SLC14A2: variants seen among roughly 807,000 people sequenced by gnomAD.
SLC14A2 encodes urea transporter 2.
In SLC14A2, 91 loss-of-function variants were observed where a neutral mutation model predicts 104.6. The observed-to-expected ratio is 0.87, with a 90% CI of 0.73 to 1.04. The LOEUF is 1.04. Among genes scored for constraint, SLC14A2 ranks in the 50% least tolerant of loss-of-function variants. The pLI is 0.00. For missense variants in SLC14A2, 1,189 were observed against 1,156.0 expected (o/e 1.03, Z -0.41); for synonymous variants, 476 against 466.4 (o/e 1.02, Z -0.27).
chr18:45,542,823 A>G (rs9964287), intron 2 of SLC14A2, among the ~76,000 whole-genome samples: 34 of 152,254 alleles, frequency 2.2e-4, no homozygotes, highest in African/African-American at 7.7e-4. Flanking sequence ...TCATCTCACT[A>G]CCCTCAAGGA....
chr18:45,523,343 G>A (rs1598957884), intron 2 of SLC14A2, among the ~76,000 whole-genome samples: 1 of 151,214 alleles, frequency 6.6e-6, no homozygotes, highest in South Asian at 2.1e-4. Context: ...TTGTTTGTTT[G>A]TTTTGAGATG....
At chr18:45,608,077 G>A (rs545432863) in intron 2 of SLC14A2, among the ~76,000 whole-genome samples, 2 of 152,240 alleles carry the variant, frequency 1.3e-5, no homozygotes, top group Non-Finnish European at 2.9e-5. Flanking sequence ...GTTTCCGTTA[G>A]AGTACGATGA....
chr18:45,493,568 T>C (rs1483133429), intron 2 of SLC14A2, among the ~76,000 whole-genome samples: 1 of 152,214 alleles, frequency 6.6e-6, no homozygotes, highest in Non-Finnish European at 1.5e-5. Context: ...CAAAGTTGCA[T>C]AGGTAGTCAA....
At chr18:45,248,351 G>T (rs2084387691) in intron 1 of SLC14A2, among the ~76,000 whole-genome samples, 1 of 152,024 alleles carries the variant, frequency 6.6e-6, no homozygotes. Context: ...TGAGACATGA[G>T]GGCCTGTCTG....
At chr18:45,647,240 A>G (rs1552326) in intron 10 of SLC14A2, 77,173 of 152,128 alleles carry the variant, frequency 0.51, 19,841 homozygotes, top group African/African-American at 0.57. Context: ...ATCTTGAGTC[A>G]AGCTTGAGCA....
chr18:45,391,005 T>C (rs541831963), intron 1 of SLC14A2, among the ~76,000 whole-genome samples: 2 of 152,340 alleles, frequency 1.3e-5, no homozygotes, highest in Admixed American at 1.3e-4. Flanking sequence ...TGTATACATG[T>C]GCCATGTTGG....
intron 1 of SLC14A2, among the ~76,000 whole-genome samples, chr18:45,263,784 C>A (rs182844116): frequency 6.6e-6 from 1 of 152,132 alleles, no homozygotes; most frequent in Admixed American, 6.5e-5. Flanking sequence ...GCCCACATTC[C>A]GTTTAAAGCA....
At chr18:45,508,911 T>C (rs558238960) in intron 2 of SLC14A2, among the ~76,000 whole-genome samples, 4 of 152,302 alleles carry the variant, frequency 2.6e-5, no homozygotes, top group African/African-American at 7.2e-5. Flanking sequence ...TATCAAGATA[T>C]TGGGGGGTGA....
chr18:45,279,215 T>G (rs1432415312), intron 1 of SLC14A2, among the ~76,000 whole-genome samples: 3 of 152,182 alleles, frequency 2.0e-5, no homozygotes, highest in Non-Finnish European at 4.4e-5. Context: ...AGTAACAGGT[T>G]GTCTGAGATA....
At chr18:45,219,189 A>T (rs2084038899) in intron 1 of SLC14A2, among the ~76,000 whole-genome samples, 1 of 152,232 alleles carries the variant, frequency 6.6e-6, no homozygotes, top group African/African-American at 2.4e-5. Context: ...AATTCATATT[A>T]TTCGTTTTAA....
intron 1 of SLC14A2, among the ~76,000 whole-genome samples, chr18:45,330,977 T>G (rs2085284200): frequency 6.6e-6 from 1 of 152,176 alleles, no homozygotes. Context: ...AATACGTGAT[T>G]GAAAAAATAT....
intron 1 of SLC14A2, among the ~76,000 whole-genome samples, chr18:45,464,650 G>GAGCAGCATTGTGGAATGCA (rs1182419612): frequency 6.6e-6 from 1 of 152,208 alleles, no homozygotes; most frequent in East Asian, 1.9e-4. Context: ...TGGAATGCTA[G>GAGCAGCATTGTGGAATGCA]AAAGTCTAGA....
intron 1 of SLC14A2, among the ~76,000 whole-genome samples, chr18:45,328,473 C>CT (rs2085257956): frequency 6.6e-6 from 1 of 152,202 alleles, no homozygotes; most frequent in African/African-American, 2.4e-5. Context: ...CCTGAGACAG[C>CT]TGCTCTTGAG....
intron 1 of SLC14A2, among the ~76,000 whole-genome samples, chr18:45,244,290 G>C (rs1165926325): frequency 6.6e-6 from 1 of 152,194 alleles, no homozygotes; most frequent in South Asian, 2.1e-4. Flanking sequence ...TTTTAGACAT[G>C]TCTATGAATA....
At chr18:45,296,441 T>C (rs1303359083) in intron 1 of SLC14A2, among the ~76,000 whole-genome samples, 3 of 152,186 alleles carry the variant, frequency 2.0e-5, no homozygotes, top group Non-Finnish European at 2.9e-5. Flanking sequence ...TTCTCTAGCA[T>C]TAAATAGAGA....
intron 1 of SLC14A2, among the ~76,000 whole-genome samples, chr18:45,453,371 G>A (rs1216393324): frequency 2.0e-5 from 3 of 152,098 alleles, no homozygotes; most frequent in African/African-American, 7.2e-5. Flanking sequence ...ATTGACAGAG[G>A]TGACAAAAAT....
intron 2 of SLC14A2, among the ~76,000 whole-genome samples, chr18:45,495,698 T>C (rs558610899): frequency 6.6e-6 from 1 of 152,364 alleles, no homozygotes; most frequent in East Asian, 1.9e-4. Flanking sequence ...GGTATACTTA[T>C]TGATAACTTG....
At chr18:45,189,537 A>G in the SLC14A2 span, among the ~76,000 whole-genome samples, 1 of 152,228 alleles carries the variant, frequency 6.6e-6, no homozygotes, top group Non-Finnish European at 1.5e-5. Context: ...ATGAAAAAGT[A>G]GAGTAGAATG....
intron 1 of SLC14A2, among the ~76,000 whole-genome samples, chr18:45,390,909 A>G (rs1185247677): frequency 3.3e-5 from 5 of 152,186 alleles, no homozygotes. Context: ...CATCATTTTC[A>G]CTGTAAGTAT....
Sources: allele counts gnomAD v4.1 joint callset (sites outside exome capture counted in the v4.1 genomes callset), GRCh38; gene constraint gnomAD v4.1.1; transcripts MANE v1.5; gene names NCBI Gene and HGNC (gene_info 2026-07-23, HGNC 2026-07-21).